CTRL: variants seen among roughly 807,000 people sequenced by gnomAD.
The protein encoded by CTRL is chymotrypsin like.
In CTRL, 38 loss-of-function variants were observed where a neutral mutation model predicts 35.5. The observed-to-expected ratio is 1.07, with a 90% CI of 0.83 to 1.40. The LOEUF is 1.40. Among genes scored for constraint, CTRL ranks in the 40% most tolerant of loss-of-function variants. The pLI is 0.00. For synonymous variants in CTRL, 155 were observed against 141.1 expected (o/e 1.10, Z -0.70); for missense variants, 327 against 342.9 (o/e 0.95, Z 0.37).
intron 1 of CTRL, 127 bp downstream of exon 1, chr16:67,931,674 T>C: frequency 9.0e-7 from 1 of 1,113,308 alleles, no homozygotes; most frequent in Non-Finnish European, 1.3e-6. Flanking sequence ...TGCCCTGGCA[T>C]ATCCTGTTTC....
chr16:67,929,670 A>G lies in CTRL; in HGVS notation c.*264T>C. 1 of 506,304 alleles carries G rather than the reference A, an allele frequency of 2.0e-6. No homozygotes were observed. The highest frequency in any genetic ancestry group is 2.8e-5 in the South Asian group (1 of 35,904). The allele number at this position is 506,304 out of a possible 1,614,324, so 31.4% of individuals were successfully genotyped here. A position where few individuals can be genotyped will look rare whatever the true frequency, so the allele number is the denominator to read the frequency against. On this transcript the variant is annotated 3_prime_UTR_variant, in exon 7 of 7. Transcript: ENST00000574481. ...GCCTCTCCAGGGAGGGCTGCCATTC[A>G]TTCCAACAGTTCTGGCTTCTTGCTG...
In CTRL at chr16:67,930,457, A is replaced by G; in HGVS notation, c.450T>C (p.Thr150=). The change falls in exon 5 of 7, where the codon ACT becomes ACC. Residue 150 remains threonine, a synonymous_variant. Coordinates refer to ENST00000574481, the MANE Select transcript of CTRL (RefSeq NM_001907.3). The surrounding 1 kb of genome is among the most constrained non-coding windows in gnomAD (Gnocchi z 4.3). ...CGGTGGTGACACACGTGAGGCCTTC[A>G]GTCAGAGCCTCGTTTGAGGATGCCA... ...VCLASSNEAL[T]EGLTCVTTGW... 1 of 1,614,148 alleles carries G rather than the reference A, an allele frequency of 6.2e-7. No individual in the cohort carries two copies. The highest frequency in any genetic ancestry group is 8.5e-7 in the Non-Finnish European group (1 of 1,180,038).
At chr16:67,931,545 C>T in intron 1 of CTRL, 1 of 589,652 alleles carries the variant, frequency 1.7e-6, no homozygotes, top group Admixed American at 3.0e-5. Context: ...ACAGGTCTTC[C>T]TGTCTCAGCT....
chr16:67,930,883 A>T lies in CTRL; in HGVS notation c.236+37T>A. On this transcript the variant is annotated intron_variant, in intron 3 of 6. Coordinates refer to ENST00000574481, the MANE Select transcript of CTRL (RefSeq NM_001907.3). This position sits in a 1 kb window ranked among gnomAD's most constrained non-coding sequence, Gnocchi z 4.3. ...GACAGCCAGGGGAGGAGGCAGGAAGAGGCGAGGGGCGGGGCAGGTGGAATG... is the reference window on the plus strand; with the variant it reads ...GACAGCCAGGGGAGGAGGCAGGAAGTGGCGAGGGGCGGGGCAGGTGGAATG... 2 of 1,612,540 alleles carry T rather than the reference A, an allele frequency of 1.2e-6. No homozygotes were observed. Among genetic ancestry groups the T allele is most frequent in the Non-Finnish European group, 1.7e-6 (2 of 1,179,482 alleles).
Position 67,930,300 on chromosome 16 carries a change from T to C in CTRL, c.518A>G (p.His173Arg), listed in dbSNP as rs1134760. ...CAGGGGCAAAGCCACCTGCTGCAGA[T>C]GTGCTGGTGTCACATTGCCTGTGGG... ...LSGVGNVTPA[H>R]LQQVALPLVT... Residue 173 changes from histidine to arginine, a missense_variant, in exon 6 of 7, where the codon CAT becomes CGT. Physicochemically the swap from His to Arg is conservative, Grantham distance 29. Transcript: ENST00000574481. This position sits in a 1 kb window ranked among gnomAD's most constrained non-coding sequence, Gnocchi z 4.3. The C allele has an allele frequency of 0.19, 308,782 of 1,613,830 alleles. 33,503 individuals carry two copies. Among genetic ancestry groups the C allele is most frequent in the African/African-American group, 0.47 (34,851 of 74,948 alleles).
In CTRL at chr16:67,929,822, C is replaced by G. The variant is rs148369580; in HGVS notation, c.*112G>C. Reference sequence around the variant, plus strand: ...TGTGCCAGAAGTCCAAGTAGGGAGTCGGACCCTCAACAGCCTCTTCTTTCT... The same window carrying G: ...TGTGCCAGAAGTCCAAGTAGGGAGTGGGACCCTCAACAGCCTCTTCTTTCT... On this transcript the variant is annotated 3_prime_UTR_variant, in exon 7 of 7. Transcript: ENST00000574481. 1 of 1,204,538 alleles carries G rather than the reference C, an allele frequency of 8.3e-7. No individual in the cohort carries two copies. The highest frequency in any genetic ancestry group is 1.2e-6 in the Non-Finnish European group (1 of 849,460). The allele number at this position is 1,204,538 out of a possible 1,614,324, so 74.6% of individuals were successfully genotyped here. A position where few individuals can be genotyped will look rare whatever the true frequency, so the allele number is the denominator to read the frequency against.
rs758625141 is a variant in CTRL, at chr16:67,931,145, C to T, written c.109G>A (p.Gly37Arg). Residue 37 changes from glycine to arginine, a missense_variant, in exon 2 of 7, where the codon GGG (glycine) becomes AGG (arginine). Transcript: ENST00000574481. Reference sequence around the variant, plus strand: ...CAGGAGCCCAACACTGCATTCTCCCCGTTGACAATCCTCTGGCTGAAGCTC... The same window carrying T: ...CAGGAGCCCAACACTGCATTCTCCCTGTTGACAATCCTCTGGCTGAAGCTC... ...ALSFSQRIVN[G>R]ENAVLGSWPW... 34 of 1,614,004 alleles carry T rather than the reference C, an allele frequency of 2.1e-5. No homozygotes were observed. The East Asian group carries it at 2.9e-4, about 14-fold the overall frequency.
chr16:67,931,723 C>T, intron 1 of CTRL, 78 bp downstream of exon 1: 1 of 1,507,876 alleles, frequency 6.6e-7, no homozygotes, highest in Non-Finnish European at 9.0e-7. Context: ...TTCCAGCCAG[C>T]CTAGCTCCTT....
At position 67,929,766 on chromosome 16, in the gene CTRL, A is replaced by C. The variant is rs2058231551; in HGVS notation, c.*168T>G. On this transcript the variant is annotated 3_prime_UTR_variant, in exon 7 of 7. Transcript: ENST00000574481. Reference sequence around the variant, plus strand: ...CGGCATGGCTACTCTAGGAAGAGCCACTGCTACTCAAGGAGTCACTCAGCC... The same window carrying C: ...CGGCATGGCTACTCTAGGAAGAGCCCCTGCTACTCAAGGAGTCACTCAGCC... 1 of 742,644 alleles carries C rather than the reference A, an allele frequency of 1.3e-6. No individual in the cohort carries two copies. The highest frequency in any genetic ancestry group is 1.8e-5 in the African/African-American group (1 of 57,106). 46.0% of individuals were successfully genotyped at this position (742,644 alleles called of 1,614,324 possible).
rs1598197003 is a variant in CTRL at position 67,930,381 on chromosome 16, A to C, written c.499+27T>G. 1 of 1,611,950 alleles carries C rather than the reference A, an allele frequency of 6.2e-7. No homozygotes were observed. The highest frequency in any genetic ancestry group is 2.2e-5 in the East Asian group (1 of 44,802). On this transcript the variant is annotated intron_variant, in intron 5 of 6. Transcript: ENST00000574481. This position sits in a 1 kb window ranked among gnomAD's most constrained non-coding sequence, Gnocchi z 4.3. ...CACTGGTCCCCACCCCAGTCCTCCC[A>C]CCCTGAGCTTTGGCCTGAGTCCCTA...
At chr16:67,931,671 G>T in intron 1 of CTRL, 130 bp downstream of exon 1, 2 of 1,085,892 alleles carry the variant, frequency 1.8e-6, no homozygotes, top group Non-Finnish European at 2.7e-6. Context: ...CACTGCCCTG[G>T]CATATCCTGT....
At position 67,930,371 on chromosome 16, in the gene CTRL, C is replaced by T; in HGVS notation, c.499+37G>A. 6.2e-7 allele frequency: 1 copy of T among 1,612,526 alleles called. No individual in the cohort carries two copies. Among genetic ancestry groups the T allele is most frequent in the Non-Finnish European group, 8.5e-7 (1 of 1,178,680 alleles). Reference sequence around the variant, plus strand: ...GGGCCCAGAACACTGGTCCCCACCCCAGTCCTCCCACCCTGAGCTTTGGCC... The same window carrying T: ...GGGCCCAGAACACTGGTCCCCACCCTAGTCCTCCCACCCTGAGCTTTGGCC... On this transcript the variant is annotated intron_variant, in intron 5 of 6. Coordinates refer to ENST00000574481, the MANE Select transcript of CTRL (RefSeq NM_001907.3). The surrounding 1 kb of genome is among the most constrained non-coding windows in gnomAD (Gnocchi z 4.3).
chr16:67,930,847 C>CA lies in CTRL; in HGVS notation c.237-41_237-40insT, dbSNP rs1567404288. The stretch of plus-strand genomic sequence containing the variant: ...GATTAGGCAGCTGCAGGGAGGCCAG[C>CA]GCGAGAGGGGGACAGCCAGGGGAGG... On this transcript the variant is annotated intron_variant, in intron 3 of 6. Transcript: ENST00000574481. The surrounding 1 kb of genome is among the most constrained non-coding windows in gnomAD (Gnocchi z 4.3). The CA allele has an allele frequency of 1.2e-6, 2 of 1,612,616 alleles. No individual in the cohort carries two copies. Among genetic ancestry groups the CA allele is most frequent in the Non-Finnish European group, 1.7e-6 (2 of 1,179,296 alleles).
chr16:67,931,803 C>T lies in CTRL; in HGVS notation c.50G>A (p.Trp17Ter). ...TLSLVLLGSSWGCGIPAIKPA... is the reference protein window; with the variant it reads ...TLSLVLLGSS ...AGGGCTGGTCCTGGCCCACTCACCC[C>T]AGGAGGAGCCGAGGAGAACCAGGCT... Residue 17 changes from tryptophan to a stop codon, truncating the protein, a stop_gained and splice_region_variant, in exon 1 of 7, where the codon TGG becomes TAG. Transcript: ENST00000574481. LOFTEE classifies it high-confidence loss of function. 1.3e-6 allele frequency: 2 copies of T among 1,566,792 alleles called. No homozygotes were observed. Among genetic ancestry groups the T allele is most frequent in the Non-Finnish European group, 1.7e-6 (2 of 1,155,848 alleles).
At position 67,931,170 on chromosome 16, in the gene CTRL, C is replaced by T; in HGVS notation, c.84G>A (p.Leu28=). 6.2e-6 allele frequency: 10 copies of T among 1,614,126 alleles called. No individual in the cohort carries two copies. The highest frequency in any genetic ancestry group is 2.2e-5 in the South Asian group (2 of 91,092). Residue 28 remains leucine, a synonymous_variant, in exon 2 of 7, where the codon CTG becomes CTA. Transcript: ENST00000574481. ...CGTTGACAATCCTCTGGCTGAAGCT[C>T]AGTGCCGGTTTGATGGCAGGAATGC... is the stretch of plus-strand genomic sequence containing the variant. The part of the protein sequence containing the change: ...GCGIPAIKPA[L]SFSQRIVNGE...
At position 67,930,845 on chromosome 16, in the gene CTRL, A is replaced by AGGGATTAG. The variant is rs1342384589; in HGVS notation, c.237-39_237-38insCTAATCCC. The AGGGATTAG allele has an allele frequency of 1.2e-6, 2 of 1,612,504 alleles. No homozygotes were observed. The highest frequency in any genetic ancestry group is 1.7e-6 in the Non-Finnish European group (2 of 1,178,862). ...GGGATTAGGCAGCTGCAGGGAGGCC[A>AGGGATTAG]GCGCGAGAGGGGGACAGCCAGGGGA... is the stretch of plus-strand genomic sequence containing the variant. On this transcript the variant is annotated intron_variant, in intron 3 of 6. Transcript: ENST00000574481. The surrounding 1 kb of genome is among the most constrained non-coding windows in gnomAD (Gnocchi z 4.3).
In CTRL at chr16:67,930,344, T is replaced by C. The variant is rs1463319462; in HGVS notation, c.500-26A>G. 1 of 1,613,684 alleles carries C rather than the reference T, an allele frequency of 6.2e-7. No individual in the cohort carries two copies. The highest frequency in any genetic ancestry group is 1.1e-5 in the South Asian group (1 of 91,082). On this transcript the variant is annotated intron_variant, in intron 5 of 6. Coordinates refer to ENST00000574481, the MANE Select transcript of CTRL (RefSeq NM_001907.3). This position sits in a 1 kb window ranked among gnomAD's most constrained non-coding sequence, Gnocchi z 4.3. Reference sequence around the variant, plus strand: ...CTGTGGGCCAGGAGGGGTGGTCACATGGGGCCCAGAACACTGGTCCCCACC... The same window carrying C: ...CTGTGGGCCAGGAGGGGTGGTCACACGGGGCCCAGAACACTGGTCCCCACC...
rs553958765 is a variant in CTRL, at chr16:67,930,976, G to C, written c.180C>G (p.Cys60Trp). The change falls in exon 3 of 7, where the codon TGC (cysteine) becomes TGG (tryptophan). Residue 60 changes from cysteine to tryptophan, a missense_variant. Cys to Trp is a radical substitution (Grantham distance 215). Coordinates refer to ENST00000574481, the MANE Select transcript of CTRL (RefSeq NM_001907.3). This position sits in a 1 kb window ranked among gnomAD's most constrained non-coding sequence, Gnocchi z 4.3. ...AGGACTGGCTGATGAGAGAACCACC[G>C]CAGAAGTGGAAGCCGCTGCTGTCCT... ...SLQDSSGFHF[C>W]GGSLISQSWV... The C allele has an allele frequency of 1.2e-6, 2 of 1,613,940 alleles. No individual in the cohort carries two copies. The highest frequency in any genetic ancestry group is 1.7e-6 in the Non-Finnish European group (2 of 1,180,008).
chr16:67,931,648 C>A, intron 1 of CTRL, 153 bp downstream of exon 1: 2 of 886,624 alleles, frequency 2.3e-6, no homozygotes, highest in Admixed American at 4.4e-5. Flanking sequence ...CCCTGCAGGC[C>A]TGTTCCCTGC....
Sources: gnomAD v4.1 joint callset for allele counts on GRCh38, gnomAD v4.1.1 for gene constraint, Gnocchi (gnomAD v3.1) non-coding constraint, MANE v1.5 for transcripts, NCBI Gene and HGNC (gene_info 2026-07-23, HGNC 2026-07-21) for gene names.